Variants in ALDH7A1 observed in about 807,000 individuals in gnomAD.
ALDH7A1 encodes the protein alpha-aminoadipic semialdehyde dehydrogenase.
ALDH7A1 carries 63 observed loss-of-function variants against 79.9 expected under a neutral mutation model. That is an observed-to-expected ratio of 0.79 (90% CI 0.64 to 0.97). The LOEUF is 0.97. Ranked by LOEUF, ALDH7A1 falls within the 50% of genes least tolerant of loss-of-function variation. ALDH7A1 has a pLI of 0.00. For synonymous variants in ALDH7A1, 240 were observed against 231.2 expected (o/e 1.04, Z -0.34); for missense variants, 627 against 665.2 (o/e 0.94, Z 0.63).
At chr5:126,555,519 C>G (rs1750161861) in intron 12 of ALDH7A1, 1 of 152,746 alleles carries the variant, frequency 6.5e-6, no homozygotes, top group Non-Finnish European at 1.4e-5. Context: ...GAAAAAAAAT[C>G]TAAAAGCAAT....
intron 10 of ALDH7A1, among the ~76,000 whole-genome samples, chr5:126,560,638 AATGCCTTAAGGAC>A (rs1192025165): frequency 3.3e-5 from 5 of 150,392 alleles, no homozygotes; most frequent in African/African-American, 1.2e-4. Context: ...TGATTTTTTT[AATGCCTTAAGGAC>A]ATGTTCCTTC....
At chr5:126,594,038 T>C (rs1419600815) in intron 1 of ALDH7A1, 1 of 340,564 alleles carries the variant, frequency 2.9e-6, no homozygotes, top group African/African-American at 2.2e-5. Flanking sequence ...CAAAGTTTGT[T>C]AACTGTTACA....
chr5:126,575,779 G>A (rs1737845959), intron 6 of ALDH7A1, among the ~76,000 whole-genome samples: 1 of 152,180 alleles, frequency 6.6e-6, no homozygotes, highest in Admixed American at 6.5e-5. Flanking sequence ...ATCTACCAAC[G>A]TGCTGCATTA....
intron 14 of ALDH7A1, among the ~76,000 whole-genome samples, chr5:126,550,628 C>G (rs1323978391): frequency 6.6e-6 from 1 of 152,142 alleles, no homozygotes; most frequent in African/African-American, 2.4e-5. Flanking sequence ...TAATCCTCAT[C>G]CTATAACACA....
In ALDH7A1 at chr5:126,577,238, G is replaced by A. The variant is rs1396792417; in HGVS notation, c.518-27C>T. 7 of 1,613,402 alleles carry A rather than the reference G, an allele frequency of 4.3e-6. No homozygotes were observed. The African/African-American group carries it at 9.3e-5, about 22-fold the overall frequency. On this transcript the variant is annotated intron_variant, in intron 5 of 17. Coordinates refer to ENST00000409134, the MANE Select transcript of ALDH7A1 (RefSeq NM_001182.5). Reference sequence around the variant, plus strand: ...TGAGGACAGAAAAAGGATGGAACATGCAGAAGCATGTTAATTTAATGCCCA... The same window carrying A: ...TGAGGACAGAAAAAGGATGGAACATACAGAAGCATGTTAATTTAATGCCCA...
chr5:126,573,913 C>T (rs1473603238), intron 7 of ALDH7A1, among the ~76,000 whole-genome samples: 1 of 149,650 alleles, frequency 6.7e-6, no homozygotes, highest in African/African-American at 2.5e-5. Flanking sequence ...ACCTATAATC[C>T]CAGCTACTCG....
rs180985029 is a variant in ALDH7A1, at chr5:126,570,915, A to G, written c.696-56T>C. 7,928 of 1,561,714 alleles carry G rather than the reference A, an allele frequency of 5.1e-3. 34 individuals carry two copies. Among genetic ancestry groups the G allele is most frequent in the Non-Finnish European group, 5.5e-3 (6,233 of 1,133,184 alleles). ...TAATTTAAGGCATTTTTTTAAAAAC[A>G]AGGAATAAATTCCAACCACTTGACT... is the stretch of plus-strand genomic sequence containing the variant. On this transcript the variant is annotated intron_variant, in intron 7 of 17. Coordinates refer to ENST00000409134, the MANE Select transcript of ALDH7A1 (RefSeq NM_001182.5).
intron 3 of ALDH7A1, among the ~76,000 whole-genome samples, chr5:126,590,991 A>G (rs1751534567): frequency 6.6e-6 from 1 of 152,154 alleles, no homozygotes; most frequent in Admixed American, 6.6e-5. Context: ...AATAATCACA[A>G]CTATGAAATA....
chr5:126,547,186 A>C (rs1749813828), intron 16 of ALDH7A1, among the ~76,000 whole-genome samples: 1 of 152,236 alleles, frequency 6.6e-6, no homozygotes, highest in South Asian at 2.1e-4. Flanking sequence ...TGACAGCAGT[A>C]AATGGGACTG....
intron 16 of ALDH7A1, chr5:126,549,696 A>G: frequency 9.5e-6 from 5 of 525,920 alleles, no homozygotes; most frequent in Non-Finnish European, 1.7e-5. Flanking sequence ...GGGTTCACAC[A>G]TTTCAAGTTA....
chr5:126,551,998 T>C (rs1038620754), intron 14 of ALDH7A1, 23 bp downstream of exon 14: 6 of 1,518,524 alleles, frequency 4.0e-6, no homozygotes, highest in Non-Finnish European at 5.5e-6. Flanking sequence ...AACATCAGGC[T>C]AGCGAACAGA....
intron 5 of ALDH7A1, among the ~76,000 whole-genome samples, chr5:126,578,652 A>AAAAG (rs1429615738): frequency 2.4e-3 from 358 of 150,556 alleles, no homozygotes; most frequent in African/African-American, 8.1e-3. Context: ...AAAAAAAAAA[A>AAAAG]AAAGAAAGAA....
chr5:126,559,398 G>C (rs1234921590), intron 10 of ALDH7A1, 64 bp from the exon 11 acceptor site: 1 of 1,184,256 alleles, frequency 8.4e-7, no homozygotes, highest in Non-Finnish European at 1.3e-6. Context: ...TTTGTTAGCT[G>C]GTATAAAACA....
intron 17 of ALDH7A1, 53 bp downstream of exon 17, chr5:126,546,271 C>T: frequency 3.3e-6 from 5 of 1,520,132 alleles, no homozygotes; most frequent in Non-Finnish European, 4.6e-6. Flanking sequence ...AGTGTAAAAG[C>T]CCATTCCCAA....
intron 5 of ALDH7A1, among the ~76,000 whole-genome samples, chr5:126,579,671 G>C (rs1002979175): frequency 6.6e-6 from 1 of 151,630 alleles, no homozygotes; most frequent in African/African-American, 2.4e-5. Flanking sequence ...AAAAATAGAA[G>C]TGTAAGCTAG....
intron 7 of ALDH7A1, among the ~76,000 whole-genome samples, chr5:126,571,475 A>G (rs1182858173): frequency 1.4e-5 from 1 of 72,194 alleles, no homozygotes; most frequent in East Asian, 2.8e-4. Flanking sequence ...ACTGTATCTC[A>G]AAAAAAAAAA....
chr5:126,554,789 C>G, intron 12 of ALDH7A1: 1 of 319,424 alleles, frequency 3.1e-6, no homozygotes, highest in Admixed American at 4.3e-5. Flanking sequence ...ACAGTGTGAC[C>G]ATTCTCTAAG....
intron 16 of ALDH7A1, among the ~76,000 whole-genome samples, chr5:126,547,817 C>T (rs771768070): frequency 2.0e-5 from 3 of 151,926 alleles, no homozygotes; most frequent in Non-Finnish European, 4.4e-5. Flanking sequence ...TTTGGGAGGC[C>T]GAGGCAGGTG....
intron 9 of ALDH7A1, among the ~76,000 whole-genome samples, chr5:126,564,098 T>C (rs1028977811): frequency 6.6e-6 from 1 of 152,182 alleles, no homozygotes; most frequent in Admixed American, 6.6e-5. Flanking sequence ...ATAAATGCCA[T>C]TCTTACCTTA....
Sources: gnomAD v4.1 joint callset for allele counts (sites outside exome capture counted in the v4.1 genomes callset) on GRCh38, gnomAD v4.1.1 for gene constraint, MANE v1.5 for transcripts, NCBI Gene and HGNC (gene_info 2026-07-23, HGNC 2026-07-21) for gene names.